Variants in MCM9 observed in about 807,000 individuals in gnomAD.
MCM9 encodes the protein minichromosome maintenance 9 homologous recombination repair factor, also known as DNA helicase MCM9.
MCM9 carries 55 observed loss-of-function variants against 72.8 expected under a neutral mutation model. The ratio of observed to expected loss-of-function variants is 0.76; its 90% confidence interval spans 0.61 to 0.95. The LOEUF (loss-of-function observed/expected upper bound fraction) is 0.95. MCM9 is among the 40% of genes least tolerant of loss of function. The pLI is 0.00. For missense variants in MCM9, 1,279 were observed against 1,377.0 expected, an observed-to-expected ratio of 0.93 and a Z score of 1.13; for synonymous variants, 480 against 503.4, an observed-to-expected ratio of 0.95 and a Z score of 0.62.
rs777519775 is a variant in MCM9, at chr6:118,816,068, G to A, written c.2188C>T (p.His730Tyr). ...LEPNRSTSRK[H>Y]SAQHKNNRDD... Reference sequence around the variant, plus strand: ...CTGTTATTTTTGTGCTGAGCTGAATGTTTCCTACTTGTTGATCTATTAGGC... The same window carrying A: ...CTGTTATTTTTGTGCTGAGCTGAATATTTCCTACTTGTTGATCTATTAGGC... The change falls in exon 14 of 14, where the codon CAT becomes TAT. Residue 730 changes from histidine to tyrosine, a missense_variant. Coordinates refer to ENST00000619706, the MANE Select transcript of MCM9 (RefSeq NM_017696.3). The A allele has an allele frequency of 2.5e-5, 39 of 1,550,052 alleles. No individual in the cohort carries two copies. In the South Asian group the frequency reaches 4.2e-4, roughly 17 times the overall value.
intron 4 of MCM9, 29 bp downstream of exon 4, chr6:118,923,782 T>A: frequency 6.3e-7 from 1 of 1,594,376 alleles, no homozygotes; most frequent in Non-Finnish European, 8.6e-7. Context: ...TTCTTCAAAT[T>A]TATTTATCTC....
rs141479161 is a variant in MCM9 at position 118,849,399 on chromosome 6, A to T, written c.1325+6972T>A. On this transcript the variant is annotated intron_variant, in intron 9 of 13. Coordinates refer to ENST00000619706, the MANE Select transcript of MCM9 (RefSeq NM_017696.3). ...AACAAAAGGTAAGTAAGGATATAGA[A>T]GACCTAAATAACATCATTTATAAGG... Among the ~76,000 whole-genome samples the T allele has an allele frequency of 9.2e-5, 14 of 151,742 alleles. No individual in the cohort carries two copies. In the East Asian group the frequency reaches 2.5e-3, roughly 27 times the overall value.
chr6:118,918,044 A>T (rs1781104880), intron 5 of MCM9: 1 of 423,052 alleles, frequency 2.4e-6, no homozygotes. Context: ...TTCACTGGGA[A>T]AATAGTTTAC....
In MCM9 at chr6:118,872,188, G is replaced by T. The variant is rs183053114; in HGVS notation, c.1151-15643C>A. 2.2e-3 allele frequency among the ~76,000 whole-genome samples: 330 copies of T among 152,006 alleles called. 2 individuals are homozygous for T. Among genetic ancestry groups the T allele is most frequent in the African/African-American group, 7.5e-3 (311 of 41,492 alleles). ...AAAAAAATTAGCCACGCGTGGTGGTGGGCGCCTGTAGTCCCATTTACTCAG... is the reference window on the plus strand; with the variant it reads ...AAAAAAATTAGCCACGCGTGGTGGTTGGCGCCTGTAGTCCCATTTACTCAG... On this transcript the variant is annotated intron_variant, in intron 8 of 13. Transcript: ENST00000619706.
chr6:118,888,414 G>C (rs1280465835), intron 8 of MCM9, among the ~76,000 whole-genome samples: 2 of 152,112 alleles, frequency 1.3e-5, no homozygotes, highest in Non-Finnish European at 2.9e-5. Context: ...GTGAACCTGG[G>C]AGGCAGAGCT....
chr6:118,929,001 C>T (rs1258887130), intron 3 of MCM9, among the ~76,000 whole-genome samples: 1 of 152,166 alleles, frequency 6.6e-6, no homozygotes, highest in Non-Finnish European at 1.5e-5. Context: ...GGGCAGATCA[C>T]CTGAGGCCAG....
In MCM9 at chr6:118,814,741, A is replaced by C. The variant is rs1452095370; in HGVS notation, c.*83T>G. The C allele has an allele frequency of 2.2e-5, 29 of 1,303,232 alleles. No individual in the cohort carries two copies. The East Asian group carries it at 7.1e-4, about 32-fold the overall frequency. The allele number at this position is 1,303,232 out of a possible 1,614,324, so 80.7% of individuals were successfully genotyped here. A position where few individuals can be genotyped will look rare whatever the true frequency, so the allele number is the denominator to read the frequency against. On this transcript the variant is annotated 3_prime_UTR_variant, in exon 14 of 14. Coordinates refer to ENST00000619706, the MANE Select transcript of MCM9 (RefSeq NM_017696.3). ...TCCTCAATATGGCCAATTGTTCTAT[A>C]CATTTATAAATACCATATTGATATC...
intron 8 of MCM9, among the ~76,000 whole-genome samples, chr6:118,858,248 A>G (rs904728605): frequency 6.6e-5 from 10 of 152,184 alleles, no homozygotes; most frequent in African/African-American, 2.4e-4. Flanking sequence ...TCAATAAGCT[A>G]AGGAAGAAAG....
rs999498165 is a variant in MCM9, at chr6:118,827,247, A to T, written c.1733-383T>A. On this transcript the variant is annotated intron_variant, in intron 11 of 13. Transcript: ENST00000619706. ...TCTTTATGATCTATGAGCTTTTCAAAGCTACCAAACAAGCAATTCTAAATT... is the reference window on the plus strand; with the variant it reads ...TCTTTATGATCTATGAGCTTTTCAATGCTACCAAACAAGCAATTCTAAATT... Among the ~76,000 whole-genome samples, 9 of 152,342 alleles carry T rather than the reference A, an allele frequency of 5.9e-5. No individual in the cohort carries two copies. In the South Asian group the frequency reaches 1.7e-3, roughly 28 times the overall value.
intron 9 of MCM9, among the ~76,000 whole-genome samples, chr6:118,838,835 G>A (rs36191515): frequency 0.13 from 20,486 of 152,190 alleles, 1,531 homozygotes; most frequent in Non-Finnish European, 0.17. Flanking sequence ...TGGGTAACCC[G>A]GCCTTTCTCT....
intron 5 of MCM9, chr6:118,919,838 A>G (rs2114339527): frequency 6.6e-6 from 1 of 152,310 alleles, no homozygotes; most frequent in East Asian, 1.9e-4. Flanking sequence ...TGGCACTGAC[A>G]TTTACCAGCA....
At chr6:118,882,649 G>A (rs1778360469) in intron 8 of MCM9, among the ~76,000 whole-genome samples, 1 of 152,136 alleles carries the variant, frequency 6.6e-6, no homozygotes, top group South Asian at 2.1e-4. Context: ...AGCACAGATA[G>A]CTTAACAGAG....
intron 9 of MCM9, among the ~76,000 whole-genome samples, chr6:118,846,834 T>C (rs1410360869): frequency 6.6e-6 from 1 of 151,708 alleles, no homozygotes; most frequent in Non-Finnish European, 1.5e-5. Context: ...CTACTAATAA[T>C]GATTCAGAAA....
chr6:118,932,555 T>C (rs1782531117), intron 2 of MCM9, 52 bp downstream of exon 2: 1 of 949,858 alleles, frequency 1.1e-6, no homozygotes, highest in African/African-American at 1.8e-5. Flanking sequence ...TCTCTCTCTT[T>C]AGTTATACAC....
chr6:118,859,841 G>T (rs1283284282), intron 8 of MCM9, among the ~76,000 whole-genome samples: 4 of 152,216 alleles, frequency 2.6e-5, no homozygotes, highest in African/African-American at 4.8e-5. Context: ...CTACCTGGAA[G>T]AAGGGCAATA....
At chr6:118,880,760 CAGGGGACAA>C (rs941309636) in intron 8 of MCM9, among the ~76,000 whole-genome samples, 2 of 152,094 alleles carry the variant, frequency 1.3e-5, no homozygotes, top group Admixed American at 6.6e-5. Context: ...AGAAGGCAGC[CAGGGGACAA>C]AGGGATGAGT....
intron 8 of MCM9, chr6:118,893,950 G>GCCACGCCTCCCCGCCGCT: frequency 1.2e-6 from 1 of 868,788 alleles, no homozygotes; most frequent in Non-Finnish European, 1.4e-6. Flanking sequence ...TCCCCGCCGC[G>GCCACGCCTCCCCGCCGCT]GCCACGCCCC....
chr6:118,866,521 T>C (rs1040459710), intron 8 of MCM9, among the ~76,000 whole-genome samples: 4 of 152,048 alleles, frequency 2.6e-5, no homozygotes, highest in African/African-American at 4.8e-5. Context: ...AAATCATATA[T>C]CTGAAGAGTA....
chr6:118,879,598 T>C (rs190663964), intron 8 of MCM9, among the ~76,000 whole-genome samples: 2 of 152,322 alleles, frequency 1.3e-5, no homozygotes, highest in Non-Finnish European at 2.9e-5. Flanking sequence ...TTTCATATTA[T>C]AATGGCAGAG....
Sources: allele counts gnomAD v4.1 joint callset (sites outside exome capture counted in the v4.1 genomes callset), GRCh38; gene constraint gnomAD v4.1.1; transcripts MANE v1.5; gene names NCBI Gene and HGNC (gene_info 2026-07-23, HGNC 2026-07-21).